COL5A1: variants seen among roughly 807,000 people sequenced by gnomAD.
COL5A1 encodes collagen type V alpha 1 chain.
Under a neutral mutation model 263.7 loss-of-function variants are expected in COL5A1, and 16 were observed. That is an observed-to-expected ratio of 0.06 (90% CI 0.04 to 0.09). COL5A1 has a LOEUF of 0.09. COL5A1 is among the 10% of genes least tolerant of loss of function. The pLI, the probability that COL5A1 is intolerant of heterozygous loss-of-function variation, is 1.00. For synonymous variants in COL5A1, 1,012 were observed against 1,004.5 expected (o/e 1.01, Z -0.14); for missense variants, 2,036 against 2,540.5 (o/e 0.80, Z 4.27).
At chr9:134,661,921 G>A (rs1000066446) in intron 1 of COL5A1, among the ~76,000 whole-genome samples, 1 of 152,056 alleles carries the variant, frequency 6.6e-6, no homozygotes, top group Admixed American at 6.6e-5. Flanking sequence ...TCCCAGGATG[G>A]CATTCAACTG....
At position 134,758,318 on chromosome 9, in the gene COL5A1, C is replaced by T; in HGVS notation, c.1935+22C>T. On this transcript the variant is annotated intron_variant, in intron 18 of 65. Coordinates refer to ENST00000371817, the MANE Select transcript of COL5A1 (RefSeq NM_000093.5). The surrounding 1 kb of genome is among the most constrained non-coding windows in gnomAD (Gnocchi z 4.1). The stretch of plus-strand genomic sequence containing the variant: ...CAGGGTGAGTATTTCCTCTGTGAGA[C>T]ACAGGCATGACGATGGGCAGCAGAG... 1.9e-6 allele frequency: 3 copies of T among 1,613,128 alleles called. No individual in the cohort carries two copies. The highest frequency in any genetic ancestry group is 2.5e-6 in the Non-Finnish European group (3 of 1,179,156).
At chr9:134,834,492 A>G (rs1839772195) in intron 64 of COL5A1, among the ~76,000 whole-genome samples, 1 of 152,192 alleles carries the variant, frequency 6.6e-6, no homozygotes, top group South Asian at 2.1e-4. Flanking sequence ...TTCACCATGC[A>G]GCAAAGCTTT....
intron 14 of COL5A1, 103 bp downstream of exon 14, chr9:134,752,748 C>T: frequency 1.1e-6 from 1 of 907,460 alleles, no homozygotes; most frequent in Admixed American, 1.9e-5. Context: ...CCTGTGGACA[C>T]AGAGCGGCCC....
At chr9:134,731,218 C>T (rs888187265) in intron 7 of COL5A1, among the ~76,000 whole-genome samples, 28 of 152,212 alleles carry the variant, frequency 1.8e-4, no homozygotes, top group African/African-American at 6.3e-4. Flanking sequence ...GACCCTGGGG[C>T]TGTGGGGTGC....
chr9:134,717,322 G>A (rs1161452812), intron 4 of COL5A1, among the ~76,000 whole-genome samples: 2 of 152,236 alleles, frequency 1.3e-5, no homozygotes, highest in Non-Finnish European at 2.9e-5. Context: ...GGGGAACGCA[G>A]TCGTGTTCTT....
intron 1 of COL5A1, among the ~76,000 whole-genome samples, chr9:134,661,407 C>T (rs1378684199): frequency 6.6e-6 from 1 of 151,652 alleles, no homozygotes; most frequent in Non-Finnish European, 1.5e-5. Context: ...GTGTGAGGTA[C>T]AGGAGCCTCC....
chr9:134,810,762 T>A (rs562938826), intron 44 of COL5A1, among the ~76,000 whole-genome samples: 1 of 152,290 alleles, frequency 6.6e-6, no homozygotes, highest in South Asian at 2.1e-4. Context: ...TCCCGATGAG[T>A]GACATGTCTT....
intron 9 of COL5A1, among the ~76,000 whole-genome samples, chr9:134,732,871 C>G (rs979259585): frequency 6.6e-6 from 1 of 152,194 alleles, no homozygotes; most frequent in Admixed American, 6.5e-5. Context: ...TGGGAGGCCT[C>G]CAGTTCTCCC....
At chr9:134,738,550 G>A (rs748201358) in intron 10 of COL5A1, 35 bp downstream of exon 10, 1 of 1,613,754 alleles carries the variant, frequency 6.2e-7, no homozygotes, top group South Asian at 1.1e-5. Context: ...ACTTGCAGAA[G>A]GTGCTCTTGG....
chr9:134,802,402 C>T (rs1043810197), intron 38 of COL5A1, among the ~76,000 whole-genome samples: 3 of 152,202 alleles, frequency 2.0e-5, no homozygotes, highest in African/African-American at 7.2e-5. Flanking sequence ...GTGTCAGGGG[C>T]AGCTTAGAGC....
intron 1 of COL5A1, among the ~76,000 whole-genome samples, chr9:134,666,610 C>G (rs373834542): frequency 3.3e-5 from 5 of 152,186 alleles, no homozygotes; most frequent in South Asian, 2.1e-4. Context: ...AAGGTCAAGG[C>G]CTTTGCCTCT....
At chr9:134,756,728 C>G in intron 16 of COL5A1, 37 bp from the exon 17 acceptor site, 3 of 1,608,768 alleles carry the variant, frequency 1.9e-6, no homozygotes, top group Non-Finnish European at 1.7e-6. Flanking sequence ...TGAACCGGGG[C>G]TCTTTTGCAT....
intron 1 of COL5A1, among the ~76,000 whole-genome samples, chr9:134,645,427 G>A (rs917257890): frequency 5.3e-5 from 8 of 152,228 alleles, no homozygotes; most frequent in African/African-American, 9.6e-5. Context: ...GAGCTGCCCC[G>A]CTGGAGGGCG....
intron 7 of COL5A1, among the ~76,000 whole-genome samples, chr9:134,730,902 C>T (rs921125472): frequency 5.4e-4 from 83 of 152,312 alleles, no homozygotes; most frequent in Middle Eastern, 3.4e-3. Context: ...GAGCTGGGGC[C>T]GCCCTGGCTG....
At position 134,765,897 on chromosome 9, in the gene COL5A1, C is replaced by T. The variant is rs991444406; in HGVS notation, c.2088+163C>T. 3.9e-5 allele frequency among the ~76,000 whole-genome samples: 6 copies of T among 152,322 alleles called. No individual in the cohort carries two copies. The highest frequency in any genetic ancestry group is 3.9e-4 in the East Asian group (2 of 5,168). ...CGTGAGCGGGACACTGATGTTCAGA[C>T]GCTGTAGACACGGCCCCAGCAGGTG... On this transcript the variant is annotated intron_variant, in intron 21 of 65. Transcript: ENST00000371817. This position sits in a 1 kb window ranked among gnomAD's most constrained non-coding sequence, Gnocchi z 5.1.
intron 1 of COL5A1, among the ~76,000 whole-genome samples, chr9:134,661,302 C>T (rs1379037974): frequency 6.6e-6 from 1 of 151,706 alleles, no homozygotes; most frequent in African/African-American, 2.4e-5. Flanking sequence ...AATCTGGGCT[C>T]AGCCATGTGT....
chr9:134,827,711 G>A lies in COL5A1; in HGVS notation c.5067+1807G>A, dbSNP rs200001104. 2.6e-3 allele frequency among the ~76,000 whole-genome samples: 403 copies of A among 152,306 alleles called. 2 individuals carry two copies. Among genetic ancestry groups the A allele is most frequent in the African/African-American group, 9.4e-3 (392 of 41,570 alleles). ...CCAGGCGTCCACAGGCTGCAGCCTC[G>A]GGCCTGGGCTACAGCTGCTTGGCCA... is the stretch of plus-strand genomic sequence containing the variant. On this transcript the variant is annotated intron_variant, in intron 63 of 65. Coordinates refer to ENST00000371817, the MANE Select transcript of COL5A1 (RefSeq NM_000093.5).
chr9:134,787,622 A>C (rs1837509741), intron 31 of COL5A1, among the ~76,000 whole-genome samples: 10 of 152,212 alleles, frequency 6.6e-5, no homozygotes, highest in Admixed American at 6.5e-4. Flanking sequence ...GTCTGTGTGC[A>C]CCTTGCAAAC....
chr9:134,726,265 T>C (rs1834645686), intron 4 of COL5A1, among the ~76,000 whole-genome samples: 1 of 151,558 alleles, frequency 6.6e-6, no homozygotes, highest in African/African-American at 2.4e-5. Context: ...GGTGGATTGA[T>C]GGGTGGGTGG....
Sources: allele counts gnomAD v4.1 joint callset (sites outside exome capture counted in the v4.1 genomes callset), GRCh38; gene constraint gnomAD v4.1.1; non-coding constraint Gnocchi (gnomAD v3.1); transcripts MANE v1.5; gene names NCBI Gene and HGNC (gene_info 2026-07-23, HGNC 2026-07-21).